AUTS2: variants seen among roughly 807,000 people sequenced by gnomAD.
AUTS2 encodes activator of transcription and developmental regulator AUTS2, also known as autism susceptibility gene 2 protein.
Under a neutral mutation model 112.4 loss-of-function variants are expected in AUTS2, and 17 were observed. The ratio of observed to expected loss-of-function variants is 0.15; its 90% confidence interval spans 0.10 to 0.23. The LOEUF is 0.23. Ranked by LOEUF, AUTS2 falls within the 10% of genes least tolerant of loss-of-function variation. AUTS2 has a pLI of 1.00. For missense variants in AUTS2, 1,510 were observed against 1,701.6 expected (o/e 0.89, Z 1.98); for synonymous variants, 751 against 702.7 (o/e 1.07, Z -1.09).
At position 70,787,305 on chromosome 7, in the gene AUTS2, C is replaced by T. The variant is rs868207585; in HGVS notation, c.2405C>T (p.Ser802Leu). The part of the protein sequence containing the change: ...PWNRLHRTPP[S>L]FPTPPPWLKP... ...AACCGGCTGCACCGAACGCCTCCGTCGTTCCCGACCCCTCCGCCCTGGCTG... is the reference window on the plus strand; with the variant it reads ...AACCGGCTGCACCGAACGCCTCCGTTGTTCCCGACCCCTCCGCCCTGGCTG... Residue 802 changes from serine to leucine, a missense_variant, in exon 18 of 19, where the codon TCG becomes TTG. By Grantham distance (145) the Ser-to-Leu change is moderately radical (BLOSUM62 -2). Transcript: ENST00000342771. The T allele has an allele frequency of 5.6e-6, 9 of 1,614,262 alleles. No homozygotes were observed. Among genetic ancestry groups the T allele is most frequent in the South Asian group, 2.2e-5 (2 of 91,090 alleles).
At chr7:70,000,441 A>T (rs1001480805) in intron 2 of AUTS2, among the ~76,000 whole-genome samples, 1 of 152,206 alleles carries the variant, frequency 6.6e-6, no homozygotes, top group Admixed American at 6.5e-5. Flanking sequence ...CAGTTGTACA[A>T]ATTAAATTCA....
chr7:70,771,121 G>A (rs1790308694), intron 10 of AUTS2: 1 of 153,274 alleles, frequency 6.5e-6, no homozygotes, highest in African/African-American at 2.4e-5. Context: ...TGGCACTCAT[G>A]AAGACTTCTT....
chr7:69,732,857 T>C (rs1786858719), intron 1 of AUTS2, among the ~76,000 whole-genome samples: 1 of 152,228 alleles, frequency 6.6e-6, no homozygotes, highest in South Asian at 2.1e-4. Flanking sequence ...CTGGCACAGC[T>C]TTTATTCTGC....
intron 3 of AUTS2, among the ~76,000 whole-genome samples, chr7:70,130,144 C>T (rs890031590): frequency 3.9e-5 from 6 of 152,048 alleles, no homozygotes; most frequent in Admixed American, 2.0e-4. Context: ...GAATGTTGAA[C>T]ACAATTAGCG....
intron 2 of AUTS2, among the ~76,000 whole-genome samples, chr7:70,053,438 A>G (rs1470532291): frequency 6.6e-6 from 1 of 152,208 alleles, no homozygotes; most frequent in African/African-American, 2.4e-5. Context: ...ATAATGTGCT[A>G]TAAAATCCAA....
intron 4 of AUTS2, among the ~76,000 whole-genome samples, chr7:70,282,856 G>T (rs913277118): frequency 1.9e-4 from 29 of 152,168 alleles, no homozygotes; most frequent in South Asian, 4.2e-4. Flanking sequence ...TTCAAGAAAC[G>T]CCTCCATCCT....
intron 1 of AUTS2, among the ~76,000 whole-genome samples, chr7:69,710,531 A>G (rs1798267898): frequency 6.6e-6 from 1 of 152,198 alleles, no homozygotes; most frequent in South Asian, 2.1e-4. Context: ...CTTTATGAGT[A>G]AGAGCAACCA....
intron 2 of AUTS2, among the ~76,000 whole-genome samples, chr7:69,934,551 C>G (rs1340715664): frequency 6.6e-6 from 1 of 152,148 alleles, no homozygotes; most frequent in African/African-American, 2.4e-5. Context: ...AATCTTGGCT[C>G]AAAATGCACC....
chr7:70,220,908 T>C (rs1277708532), intron 4 of AUTS2, among the ~76,000 whole-genome samples: 1 of 152,196 alleles, frequency 6.6e-6, no homozygotes, highest in Non-Finnish European at 1.5e-5. Flanking sequence ...ACTATTTTGC[T>C]ATACTGTTTT....
chr7:70,660,298 TC>T (rs1807002457), intron 5 of AUTS2, among the ~76,000 whole-genome samples: 2 of 152,164 alleles, frequency 1.3e-5, no homozygotes, highest in Admixed American at 6.5e-5. Context: ...CAATGAGATC[TC>T]AGTGTGATGT....
At chr7:70,700,154 C>A (rs113216418) in intron 6 of AUTS2, among the ~76,000 whole-genome samples, 181 of 152,286 alleles carry the variant, frequency 1.2e-3, no homozygotes, top group African/African-American at 4.0e-3. Flanking sequence ...TCTTTCCCCC[C>A]CTTTTTTTCC....
At chr7:70,269,204 C>T (rs1475524984) in intron 4 of AUTS2, among the ~76,000 whole-genome samples, 6 of 152,194 alleles carry the variant, frequency 3.9e-5, no homozygotes, top group Non-Finnish European at 8.8e-5. Flanking sequence ...TCTTCTTCTC[C>T]TCACAGCAGG....
chr7:69,793,443 G>T (rs1789706955), intron 1 of AUTS2, among the ~76,000 whole-genome samples: 1 of 152,182 alleles, frequency 6.6e-6, no homozygotes, highest in Non-Finnish European at 1.5e-5. Context: ...TCTTTCTAAT[G>T]ATGTAGACAG....
chr7:69,714,865 A>G (rs1192403022), intron 1 of AUTS2, among the ~76,000 whole-genome samples: 1 of 151,928 alleles, frequency 6.6e-6, no homozygotes, highest in Non-Finnish European at 1.5e-5. Context: ...CTTTCTGTAA[A>G]TTTTTTAGCA....
At chr7:70,608,514 C>CT (rs1013603573) in intron 5 of AUTS2, among the ~76,000 whole-genome samples, 1 of 152,118 alleles carries the variant, frequency 6.6e-6, no homozygotes, top group Non-Finnish European at 1.5e-5. Flanking sequence ...GACTAAAATG[C>CT]TTTTTTTAGG....
chr7:70,683,728 C>T (rs1159422290), intron 5 of AUTS2, among the ~76,000 whole-genome samples: 1 of 152,214 alleles, frequency 6.6e-6, no homozygotes, highest in East Asian at 1.9e-4. Context: ...TTTGTAGGCA[C>T]ACAGGCTTGC....
chr7:69,783,458 A>C (rs1402064183), intron 1 of AUTS2, among the ~76,000 whole-genome samples: 1 of 152,032 alleles, frequency 6.6e-6, no homozygotes, highest in Non-Finnish European at 1.5e-5. Context: ...ACTGGGATTC[A>C]GTTTCCTTGG....
At position 70,790,736 on chromosome 7, in the gene AUTS2, T is replaced by A. The variant is rs553980730; in HGVS notation, c.3520T>A (p.Ser1174Thr). 2 of 1,613,062 alleles carry A rather than the reference T, an allele frequency of 1.2e-6. No individual in the cohort carries two copies. The highest frequency in any genetic ancestry group is 3.3e-5 in the Admixed American group (2 of 59,982). ...GCGGCTCCACTCCGTGCACCCCGCC[T>A]CCCTCGACGGACACCTCCCCCACCC... ...HTRLHSVHPA[S>T]LDGHLPHPSL... Residue 1174 changes from serine to threonine, a missense_variant, in exon 19 of 19, where the codon TCC (serine) becomes ACC (threonine). Physicochemically the swap from Ser to Thr is moderately conservative, Grantham distance 58 (BLOSUM62 1). Coordinates refer to ENST00000342771, the MANE Select transcript of AUTS2 (RefSeq NM_015570.4). This position sits in a 1 kb window ranked among gnomAD's most constrained non-coding sequence, Gnocchi z 7.6.
chr7:70,172,149 A>G (rs1808734758), intron 4 of AUTS2, among the ~76,000 whole-genome samples: 1 of 152,124 alleles, frequency 6.6e-6, no homozygotes, highest in Non-Finnish European at 1.5e-5. Context: ...CAATATTGAA[A>G]GCTGCAAACT....
Sources: gnomAD v4.1 joint callset for allele counts (sites outside exome capture counted in the v4.1 genomes callset) on GRCh38, gnomAD v4.1.1 for gene constraint, Gnocchi (gnomAD v3.1) non-coding constraint, MANE v1.5 for transcripts, NCBI Gene and HGNC (gene_info 2026-07-23, HGNC 2026-07-21) for gene names.